GRM7: variants seen among roughly 807,000 people sequenced by gnomAD.
GRM7 encodes glutamate metabotropic receptor 7, also known as metabotropic glutamate receptor 7.
In GRM7, 35 loss-of-function variants were observed where a neutral mutation model predicts 84.5. The observed-to-expected ratio is 0.41, with a 90% confidence interval of 0.32 to 0.55. The LOEUF is 0.55. GRM7 is among the 20% of genes least tolerant of loss of function. The probability of loss-of-function intolerance (pLI) is 0.19; values close to 1 mark genes in which losing one functional copy is unlikely to be tolerated. For synonymous variants in GRM7, 487 were observed against 455.1 expected (o/e 1.07, Z -0.89); for missense variants, 1,003 against 1,194.6 (o/e 0.84, Z 2.36).
At chr3:7,288,230 C>A (rs1699498887) in intron 2 of GRM7, among the ~76,000 whole-genome samples, 1 of 152,058 alleles carries the variant, frequency 6.6e-6, no homozygotes, top group East Asian at 1.9e-4. Context: ...AAATATCTGG[C>A]ACTAATTCAC....
At chr3:7,338,138 ACACAC>A (rs2125074827) in intron 4 of GRM7, among the ~76,000 whole-genome samples, 1 of 148,332 alleles carries the variant, frequency 6.7e-6, no homozygotes, top group African/African-American at 2.5e-5. Context: ...ACACACACAC[ACACAC>A]CCCATGGAAT....
At chr3:6,970,044 G>A (rs1043218164) in intron 1 of GRM7, among the ~76,000 whole-genome samples, 2 of 152,286 alleles carry the variant, frequency 1.3e-5, no homozygotes, top group East Asian at 3.9e-4. Flanking sequence ...CCACCCGACT[G>A]CCTGCACTAA....
chr3:7,370,326 T>A (rs1358534925), intron 4 of GRM7, among the ~76,000 whole-genome samples: 1 of 152,148 alleles, frequency 6.6e-6, no homozygotes, highest in Non-Finnish European at 1.5e-5. Flanking sequence ...CCCCACAGGC[T>A]TGGATGATAT....
intron 1 of GRM7, chr3:6,956,551 T>C: frequency 4.4e-6 from 2 of 456,600 alleles, no homozygotes; most frequent in South Asian, 1.5e-5. Flanking sequence ...CCACACTCTC[T>C]CTTCTGTTCT....
chr3:7,671,975 A>C (rs924638416), intron 8 of GRM7, among the ~76,000 whole-genome samples: 1 of 152,156 alleles, frequency 6.6e-6, no homozygotes, highest in Non-Finnish European at 1.5e-5. Context: ...GCCCAAAGTC[A>C]CCCACTAATA....
chr3:7,325,915 A>G (rs1418200834), intron 4 of GRM7, among the ~76,000 whole-genome samples: 1 of 152,180 alleles, frequency 6.6e-6, no homozygotes, highest in East Asian at 1.9e-4. Context: ...ACATCAGATC[A>G]TGAGCGAGAA....
chr3:7,358,712 G>GATT, intron 4 of GRM7, among the ~76,000 whole-genome samples: 1 of 151,092 alleles, frequency 6.6e-6, no homozygotes, highest in Non-Finnish European at 1.5e-5. Context: ...TGCCTTTTGG[G>GATT]ATAAGCTTCT....
chr3:7,316,682 A>G (rs1296711517), intron 4 of GRM7, among the ~76,000 whole-genome samples: 3 of 152,190 alleles, frequency 2.0e-5, no homozygotes, highest in African/African-American at 4.8e-5. Flanking sequence ...ACAAACAGCA[A>G]TGCCAATTCT....
intron 7 of GRM7, among the ~76,000 whole-genome samples, chr3:7,530,791 GT>G (rs370960275): frequency 9.0e-4 from 130 of 145,130 alleles, no homozygotes; most frequent in African/African-American, 1.3e-3. Flanking sequence ...TGATGGGTCT[GT>G]TTTTTTTTTT....
intron 4 of GRM7, among the ~76,000 whole-genome samples, chr3:7,384,373 A>G (rs1277201577): frequency 6.6e-6 from 1 of 152,170 alleles, no homozygotes; most frequent in East Asian, 1.9e-4. Flanking sequence ...TAAATTAAAT[A>G]TTTGGATAAT....
intron 9 of GRM7, among the ~76,000 whole-genome samples, chr3:7,736,588 G>C (rs752675958): frequency 5.3e-5 from 8 of 152,148 alleles, no homozygotes; most frequent in Non-Finnish European, 8.8e-5. Context: ...TATAGCTATA[G>C]TTTATGGACA....
chr3:7,718,328 C>A (rs1701834485), intron 9 of GRM7, among the ~76,000 whole-genome samples: 3 of 152,276 alleles, frequency 2.0e-5, no homozygotes, highest in Middle Eastern at 3.4e-3. Context: ...AACAGTCCAG[C>A]TTCATCCCAT....
chr3:6,906,554 T>C (rs1328097123), intron 1 of GRM7, among the ~76,000 whole-genome samples: 1 of 152,118 alleles, frequency 6.6e-6, no homozygotes, highest in Non-Finnish European at 1.5e-5. Context: ...ACTGGGGGCA[T>C]TTAAAATAAT....
At chr3:6,942,016 A>G (rs762282322) in intron 1 of GRM7, among the ~76,000 whole-genome samples, 1 of 152,218 alleles carries the variant, frequency 6.6e-6, no homozygotes, top group Non-Finnish European at 1.5e-5. Flanking sequence ...CAACATGCAA[A>G]ACTTTCCAAT....
chr3:7,324,219 G>A (rs1463257699), intron 4 of GRM7, among the ~76,000 whole-genome samples: 1 of 152,146 alleles, frequency 6.6e-6, no homozygotes, highest in Non-Finnish European at 1.5e-5. Context: ...CTGCGTATGA[G>A]CTTCAACTCA....
intron 9 of GRM7, among the ~76,000 whole-genome samples, chr3:7,711,688 C>T (rs1015099566): frequency 2.0e-5 from 3 of 152,198 alleles, no homozygotes; most frequent in Admixed American, 6.5e-5. Flanking sequence ...GGCCATGACT[C>T]CCTATCCGCG....
intron 7 of GRM7, among the ~76,000 whole-genome samples, chr3:7,490,389 T>TC (rs1040256833): frequency 2.6e-5 from 4 of 151,922 alleles, no homozygotes; most frequent in Admixed American, 6.6e-5. Context: ...CCTTTAAACC[T>TC]CCCCCCGGGG....
At chr3:7,068,954 A>G (rs758619296) in intron 1 of GRM7, among the ~76,000 whole-genome samples, 28 of 151,684 alleles carry the variant, frequency 1.8e-4, no homozygotes, top group South Asian at 4.1e-4. Flanking sequence ...GCTTTTCTCA[A>G]TGGACTTCAG....
At chr3:7,672,388 C>G (rs1430519709) in intron 8 of GRM7, among the ~76,000 whole-genome samples, 1 of 152,028 alleles carries the variant, frequency 6.6e-6, no homozygotes, top group Admixed American at 6.6e-5. Flanking sequence ...AATAATGTAC[C>G]CTTCCTCTTT....
Sources: allele counts gnomAD v4.1 joint callset (sites outside exome capture counted in the v4.1 genomes callset), GRCh38; gene constraint gnomAD v4.1.1; transcripts MANE v1.5; gene names NCBI Gene and HGNC (gene_info 2026-07-23, HGNC 2026-07-21).